DYM: variants seen among roughly 807,000 people sequenced by gnomAD.
The protein encoded by DYM is dymeclin.
DYM carries 78 observed loss-of-function variants against 93.1 expected under a neutral mutation model. That is an observed-to-expected ratio of 0.84 (90% CI 0.70 to 1.01). The LOEUF (loss-of-function observed/expected upper bound fraction) is 1.01. Among genes scored for constraint, DYM ranks in the 50% least tolerant of loss-of-function variants. The pLI is 0.00. For missense variants in DYM, 789 were observed against 845.0 expected, an observed-to-expected ratio of 0.93 and a Z score of 0.82; for synonymous variants, 321 against 319.7, an observed-to-expected ratio of 1.00 and a Z score of -0.04.
intron 8 of DYM, among the ~76,000 whole-genome samples, chr18:49,323,869 T>C (rs1463763657): frequency 2.6e-5 from 4 of 152,162 alleles, no homozygotes; most frequent in Non-Finnish European, 5.9e-5. Flanking sequence ...CTTTAACGGA[T>C]GGGCATGATG....
chr18:49,297,696 A>T (rs2060646339), intron 8 of DYM, among the ~76,000 whole-genome samples: 1 of 152,168 alleles, frequency 6.6e-6, no homozygotes, highest in Admixed American at 6.6e-5. Context: ...TCCTCATCAA[A>T]ATACTTTGAT....
chr18:49,221,894 CTT>C (rs1340731356), intron 13 of DYM, among the ~76,000 whole-genome samples: 1 of 151,436 alleles, frequency 6.6e-6, no homozygotes, highest in Non-Finnish European at 1.5e-5. Context: ...TACCCTAAAA[CTT>C]AAACTGTAAT....
intron 17 of DYM, among the ~76,000 whole-genome samples, chr18:49,068,166 T>C (rs2076617823): frequency 6.6e-6 from 1 of 152,172 alleles, no homozygotes; most frequent in Non-Finnish European, 1.5e-5. Context: ...ACAGTGTCCC[T>C]TGAATGCAGA....
intron 1 of DYM, among the ~76,000 whole-genome samples, chr18:49,438,865 A>T (rs2081080805): frequency 6.6e-6 from 1 of 152,216 alleles, no homozygotes; most frequent in Non-Finnish European, 1.5e-5. Flanking sequence ...CCTGCCAAGG[A>T]TTCCAAACAC....
chr18:49,368,251 A>C (rs1338079193), intron 5 of DYM, among the ~76,000 whole-genome samples: 1 of 152,232 alleles, frequency 6.6e-6, no homozygotes, highest in East Asian at 1.9e-4. Flanking sequence ...ATGTGCCTAT[A>C]GAAAAGTTTA....
At chr18:49,296,649 G>T (rs1287989208) in intron 8 of DYM, among the ~76,000 whole-genome samples, 3 of 152,148 alleles carry the variant, frequency 2.0e-5, no homozygotes, top group African/African-American at 7.2e-5. Flanking sequence ...CTGACCATTG[G>T]TTGATGGACT....
At chr18:49,096,606 G>A (rs2079565465) in intron 17 of DYM, among the ~76,000 whole-genome samples, 1 of 152,190 alleles carries the variant, frequency 6.6e-6, no homozygotes, top group Non-Finnish European at 1.5e-5. Context: ...AAAGTAAGCT[G>A]CAATGCTGTA....
Position 49,044,053 on chromosome 18 carries a change from C to A in DYM, c.*2G>T. ...GGGTCCGGGTGGGAGAGCATCCTGC[C>A]CTCAGTCGGAATCCATGGTGAACAG... is the stretch of plus-strand genomic sequence containing the variant. On this transcript the variant is annotated 3_prime_UTR_variant, in exon 18 of 18. Coordinates refer to ENST00000675505, the MANE Select transcript of DYM (RefSeq NM_001353214.3). 1 of 1,613,044 alleles carries A rather than the reference C, an allele frequency of 6.2e-7. No homozygotes were observed.
intron 13 of DYM, among the ~76,000 whole-genome samples, chr18:49,228,719 T>C (rs1011413895): frequency 6.6e-6 from 1 of 152,144 alleles, no homozygotes. Flanking sequence ...CTACCTATCC[T>C]TTTTCAGGTA....
intron 1 of DYM, among the ~76,000 whole-genome samples, chr18:49,441,311 A>ATATATAT (rs1568455304): frequency 1.3e-3 from 43 of 34,388 alleles, no homozygotes; most frequent in Non-Finnish European, 1.8e-3. Context: ...ATATATAATT[A>ATATATAT]ATATATAATT....
intron 8 of DYM, among the ~76,000 whole-genome samples, chr18:49,317,117 G>A (rs1308735683): frequency 1.3e-5 from 2 of 152,130 alleles, no homozygotes; most frequent in African/African-American, 2.4e-5. Context: ...GTACACTAAT[G>A]GAAGATGCTA....
chr18:49,197,049 C>T (rs1568581851), intron 14 of DYM, among the ~76,000 whole-genome samples: 2 of 152,114 alleles, frequency 1.3e-5, no homozygotes, highest in South Asian at 2.1e-4. Flanking sequence ...GCAGAAGCAA[C>T]TTGACGGATA....
intron 15 of DYM, among the ~76,000 whole-genome samples, chr18:49,155,010 T>C (rs1168540011): frequency 5.3e-5 from 8 of 152,242 alleles, no homozygotes; most frequent in African/African-American, 1.9e-4. Flanking sequence ...TATAAACCCA[T>C]GTAGATTGAT....
intron 5 of DYM, among the ~76,000 whole-genome samples, chr18:49,367,546 C>T (rs2066632560): frequency 6.6e-6 from 1 of 152,048 alleles, no homozygotes; most frequent in African/African-American, 2.4e-5. Flanking sequence ...CCTTCCAACA[C>T]AGTAGGAGGG....
intron 14 of DYM, among the ~76,000 whole-genome samples, chr18:49,201,777 G>T (rs111477892): frequency 0.03 from 4,504 of 152,192 alleles, 213 homozygotes; most frequent in African/African-American, 0.1. Context: ...TAGTTACTGC[G>T]CAGATAATCC....
chr18:49,128,893 C>T (rs1037292863), intron 15 of DYM, among the ~76,000 whole-genome samples: 2 of 151,946 alleles, frequency 1.3e-5, no homozygotes, highest in Admixed American at 6.6e-5. Context: ...ATTCTCCAAC[C>T]CAAGGAACCT....
At chr18:49,422,730 C>A (rs9675665) in intron 2 of DYM, among the ~76,000 whole-genome samples, 110,733 of 152,012 alleles carry the variant, frequency 0.73, 40,299 homozygotes, top group South Asian at 0.76. Flanking sequence ...AAACAAAAAA[C>A]AGCAGGGGTT....
chr18:49,436,497 G>A (rs537257172), intron 1 of DYM, among the ~76,000 whole-genome samples: 1 of 152,234 alleles, frequency 6.6e-6, no homozygotes, highest in East Asian at 1.9e-4. Flanking sequence ...TTTAGCCAAA[G>A]CTTTCAAATT....
chr18:49,330,212 G>C (rs1335809335), intron 8 of DYM, among the ~76,000 whole-genome samples: 4 of 152,086 alleles, frequency 2.6e-5, no homozygotes, highest in Non-Finnish European at 5.9e-5. Flanking sequence ...AGAAAGCTGT[G>C]TAAAATGTCT....
Sources: allele counts gnomAD v4.1 joint callset (sites outside exome capture counted in the v4.1 genomes callset), GRCh38; gene constraint gnomAD v4.1.1; transcripts MANE v1.5; gene names NCBI Gene and HGNC (gene_info 2026-07-23, HGNC 2026-07-21).